Variants in ERI1 observed in about 807,000 individuals in gnomAD.
The protein encoded by ERI1 is exoribonuclease 1, also known as 3'-5' exoribonuclease 1.
In ERI1, 39 loss-of-function variants were observed where a neutral mutation model predicts 39.7. That is an observed-to-expected ratio of 0.98 (90% confidence interval 0.76 to 1.28). The LOEUF (loss-of-function observed/expected upper bound fraction) is 1.28. Among genes scored for constraint, ERI1 ranks in the 50% most tolerant of loss-of-function variants. The pLI, the probability that ERI1 is intolerant of heterozygous loss-of-function variation, is 0.00. For synonymous variants in ERI1, 204 were observed against 149.6 expected (o/e 1.36, Z -2.65); for missense variants, 581 against 416.9 (o/e 1.39, Z -3.43).
At chr8:9,079,012 C>G (rs1799291867) in intron 3 of ERI1, among the ~76,000 whole-genome samples, 1 of 152,064 alleles carries the variant, frequency 6.6e-6, no homozygotes, top group South Asian at 2.1e-4. Flanking sequence ...GGGGTGTTGT[C>G]TTACCTGGAA....
At chr8:9,006,785 G>A (rs1389254044) in intron 1 of ERI1, among the ~76,000 whole-genome samples, 1 of 152,110 alleles carries the variant, frequency 6.6e-6, no homozygotes, top group African/African-American at 2.4e-5. Flanking sequence ...GGAAATGGGT[G>A]AGTCACTCTT....
At chr8:9,005,198 G>C (rs1478240828) in intron 1 of ERI1, among the ~76,000 whole-genome samples, 1 of 152,154 alleles carries the variant, frequency 6.6e-6, no homozygotes, top group Non-Finnish European at 1.5e-5. Flanking sequence ...GTGTGCAGAT[G>C]CAGAGGTTTT....
chr8:9,041,672 A>T (rs1438770504), intron 3 of ERI1, among the ~76,000 whole-genome samples: 1 of 152,222 alleles, frequency 6.6e-6, no homozygotes, highest in Non-Finnish European at 1.5e-5. Flanking sequence ...AACCTATGAG[A>T]CCTAGCAAAA....
chr8:9,095,065 A>G (rs962955847), intron 3 of ERI1, among the ~76,000 whole-genome samples: 8 of 152,192 alleles, frequency 5.3e-5, no homozygotes, highest in African/African-American at 1.7e-4. Flanking sequence ...CAACAGCTTT[A>G]CTTCCATCAG....
chr8:9,038,279 C>G (rs1045131452), downstream of ERI1, among the ~76,000 whole-genome samples: 2 of 152,116 alleles, frequency 1.3e-5, no homozygotes, highest in East Asian at 1.9e-4. Context: ...CCCTCTTATC[C>G]GTGGTTTTGC....
At chr8:9,025,785 G>GA (rs1818413639) in intron 6 of ERI1, among the ~76,000 whole-genome samples, 1 of 151,662 alleles carries the variant, frequency 6.6e-6, no homozygotes, top group African/African-American at 2.4e-5. Flanking sequence ...GGGACCAGAA[G>GA]AAATGTTTGA....
intron 6 of ERI1, among the ~76,000 whole-genome samples, chr8:9,027,392 C>G (rs1316804714): frequency 6.6e-6 from 1 of 152,024 alleles, no homozygotes; most frequent in African/African-American, 2.4e-5. Context: ...GATATTAATT[C>G]ATTATCAGAT....
intron 5 of ERI1, among the ~76,000 whole-genome samples, chr8:9,019,032 C>T (rs1585210202): frequency 6.6e-6 from 1 of 152,128 alleles, no homozygotes; most frequent in South Asian, 2.1e-4. Context: ...CTTACTTTTG[C>T]AAGGAAATCT....
chr8:9,042,288 C>A (rs1366259045), intron 3 of ERI1, among the ~76,000 whole-genome samples: 1 of 152,188 alleles, frequency 6.6e-6, no homozygotes, highest in Non-Finnish European at 1.5e-5. Context: ...CTCTCTGTGG[C>A]ACACAAGATT....
chr8:9,016,273 G>A (rs201272347), intron 3 of ERI1, 49 bp from the exon 4 acceptor site: 2 of 1,183,400 alleles, frequency 1.7e-6, no homozygotes, highest in East Asian at 2.5e-5. Flanking sequence ...CATGTATCGT[G>A]TATCTTAACT....
chr8:9,059,071 GC>G (rs1295532035), intron 3 of ERI1, among the ~76,000 whole-genome samples: 5 of 152,040 alleles, frequency 3.3e-5, no homozygotes, highest in Non-Finnish European at 5.9e-5. Context: ...AAAGGAAAAA[GC>G]GGGGTTGTTC....
At chr8:9,029,360 G>C (rs530447433) in intron 6 of ERI1, among the ~76,000 whole-genome samples, 1 of 151,860 alleles carries the variant, frequency 6.6e-6, no homozygotes, top group East Asian at 1.9e-4. Flanking sequence ...ATGGAGTCTC[G>C]CTCTGTTGTT....
At chr8:9,066,489 A>G (rs996022382) in intron 3 of ERI1, among the ~76,000 whole-genome samples, 9 of 152,120 alleles carry the variant, frequency 5.9e-5, no homozygotes, top group Admixed American at 2.6e-4. Flanking sequence ...GAACTCACCA[A>G]CACTGGCAGT....
At chr8:9,065,714 A>AG (rs1491530587) in intron 3 of ERI1, among the ~76,000 whole-genome samples, 2 of 30,420 alleles carry the variant, frequency 6.6e-5, no homozygotes, top group African/African-American at 1.4e-4. Flanking sequence ...AAAAAAAAAA[A>AG]GGCTGACTCC....
chr8:9,076,283 A>G (rs1355077334), intron 3 of ERI1, among the ~76,000 whole-genome samples: 2 of 152,228 alleles, frequency 1.3e-5, no homozygotes, highest in Non-Finnish European at 2.9e-5. Context: ...CAAGCAAGCC[A>G]TGTATACACA....
rs1797634737 is a variant in ERI1, at chr8:9,032,203, A to C, written c.*2169A>C. On this transcript the variant is annotated 3_prime_UTR_variant, in exon 7 of 7. Transcript: ENST00000250263. The stretch of plus-strand genomic sequence containing the variant: ...GTTGTCTTTGAAAGACAAATAGTAC[A>C]ACTTTTTACAAGGAAACACGTAAGA... The C allele has an allele frequency of 6.6e-6, 1 of 152,226 alleles. No homozygotes were observed. The highest frequency in any genetic ancestry group is 1.5e-5 in the Non-Finnish European group (1 of 68,040). 9.4% of individuals were successfully genotyped at this position (152,226 alleles called of 1,614,324 possible).
At chr8:9,003,209 T>G in intron 1 of ERI1, 38 bp downstream of exon 1, 1 of 1,199,998 alleles carries the variant, frequency 8.3e-7, no homozygotes, top group African/African-American at 1.6e-5. Flanking sequence ...TGGCGCCAGC[T>G]GCCCCGTCCC....
At chr8:9,016,954 A>T (rs1817365024) in intron 4 of ERI1, among the ~76,000 whole-genome samples, 2 of 152,322 alleles carry the variant, frequency 1.3e-5, no homozygotes, top group East Asian at 3.9e-4. Flanking sequence ...AAGTGCTGGG[A>T]TTACAGACGT....
chr8:9,038,236 C>G (rs907608218), downstream of ERI1, among the ~76,000 whole-genome samples: 7 of 152,106 alleles, frequency 4.6e-5, no homozygotes, highest in African/African-American at 9.7e-5. Flanking sequence ...GCAGTTCTCC[C>G]ACAAGGTTTT....
Sources: allele counts gnomAD v4.1 joint callset (sites outside exome capture counted in the v4.1 genomes callset), GRCh38; gene constraint gnomAD v4.1.1; transcripts MANE v1.5; gene names NCBI Gene and HGNC (gene_info 2026-07-23, HGNC 2026-07-21).